Variants in RALYL observed in about 807,000 individuals in gnomAD.
The protein encoded by RALYL is RALY RNA binding protein like.
Under a neutral mutation model 35.1 loss-of-function variants are expected in RALYL, and 29 were observed. That is an observed-to-expected ratio of 0.83 (90% CI 0.61 to 1.13). The LOEUF (loss-of-function observed/expected upper bound fraction) is 1.13. RALYL is among the 50% of genes most tolerant of loss of function. The pLI is 0.00. For synonymous variants in RALYL, 120 were observed against 127.6 expected (o/e 0.94, Z 0.40); for missense variants, 359 against 360.4 (o/e 1.00, Z 0.03).
At chr8:84,375,393 C>T (rs1173172093) in intron 1 of RALYL, among the ~76,000 whole-genome samples, 1 of 151,710 alleles carries the variant, frequency 6.6e-6, no homozygotes, top group African/African-American at 2.4e-5. Flanking sequence ...TTAGAGTTAT[C>T]ACTTACCATA....
intron 1 of RALYL, among the ~76,000 whole-genome samples, chr8:84,475,674 G>A (rs970023934): frequency 1.3e-5 from 2 of 151,966 alleles, no homozygotes; most frequent in African/African-American, 2.4e-5. Context: ...TAGTGTTTAC[G>A]AAGAAAGTGT....
intron 1 of RALYL, among the ~76,000 whole-genome samples, chr8:84,379,948 T>TA (rs1466519780): frequency 1.3e-5 from 2 of 151,782 alleles, no homozygotes; most frequent in Non-Finnish European, 2.9e-5. Flanking sequence ...TCATAATAGT[T>TA]AGACTATTAT....
At chr8:84,865,341 GGTTTGGCAA>G (rs955125227) in intron 6 of RALYL, among the ~76,000 whole-genome samples, 1 of 152,056 alleles carries the variant, frequency 6.6e-6, no homozygotes, top group Admixed American at 6.6e-5. Context: ...AGCATTTAAT[GGTTTGGCAA>G]GTTCAGAAGA....
intron 4 of RALYL, among the ~76,000 whole-genome samples, chr8:84,847,725 G>A (rs764525825): frequency 6.6e-6 from 1 of 152,160 alleles, no homozygotes; most frequent in African/African-American, 2.4e-5. Context: ...TTTAGGCAGT[G>A]GTCTCATTGT....
intron 1 of RALYL, among the ~76,000 whole-genome samples, chr8:84,400,582 A>G (rs977354582): frequency 4.6e-5 from 7 of 152,190 alleles, no homozygotes; most frequent in African/African-American, 1.7e-4. Flanking sequence ...GTGGCTAAGG[A>G]AGGGAACTGG....
intron 1 of RALYL, among the ~76,000 whole-genome samples, chr8:84,450,742 A>G (rs978522187): frequency 1.3e-5 from 2 of 151,980 alleles, no homozygotes; most frequent in African/African-American, 4.8e-5. Flanking sequence ...AACTCCAGAA[A>G]AATAACATCT....
chr8:84,794,799 C>A (rs998225248), intron 3 of RALYL, among the ~76,000 whole-genome samples: 2 of 152,144 alleles, frequency 1.3e-5, no homozygotes, highest in African/African-American at 4.8e-5. Context: ...CCAGGAGGTT[C>A]TTTATCCTTC....
chr8:84,915,045 G>A (rs146923780), intron 8 of RALYL, among the ~76,000 whole-genome samples: 83 of 152,078 alleles, frequency 5.5e-4, no homozygotes, highest in African/African-American at 1.8e-3. Flanking sequence ...ATCAATCTGA[G>A]GATGATTCTT....
chr8:84,384,510 T>A (rs538829922), intron 1 of RALYL, among the ~76,000 whole-genome samples: 16 of 151,920 alleles, frequency 1.1e-4, no homozygotes, highest in African/African-American at 3.6e-4. Flanking sequence ...GAACTCTGGA[T>A]AAAGAATAAT....
chr8:84,765,265 A>T (rs1406038534), intron 2 of RALYL, among the ~76,000 whole-genome samples: 3 of 152,190 alleles, frequency 2.0e-5, no homozygotes, highest in Non-Finnish European at 2.9e-5. Context: ...TTTGAGTGGC[A>T]TAGAAGGTGT....
At chr8:84,581,352 A>C (rs1376350871) in intron 2 of RALYL, among the ~76,000 whole-genome samples, 1 of 152,154 alleles carries the variant, frequency 6.6e-6, no homozygotes, top group Non-Finnish European at 1.5e-5. Flanking sequence ...TCTCATATCC[A>C]CGGTTATGAA....
chr8:84,866,157 C>A (rs1456909730), intron 6 of RALYL, among the ~76,000 whole-genome samples: 6 of 152,042 alleles, frequency 3.9e-5, no homozygotes. Flanking sequence ...GGATTTTGAA[C>A]TGAGTTTAGA....
chr8:84,599,671 A>C (rs1228356221), intron 2 of RALYL, among the ~76,000 whole-genome samples: 1 of 152,018 alleles, frequency 6.6e-6, no homozygotes, highest in Non-Finnish European at 1.5e-5. Flanking sequence ...AAAATATTTA[A>C]TTCTTTAAGT....
chr8:84,676,990 C>T (rs189923426), intron 2 of RALYL, among the ~76,000 whole-genome samples: 261 of 152,046 alleles, frequency 1.7e-3, no homozygotes, highest in African/African-American at 5.9e-3. Flanking sequence ...TTAGTATGGA[C>T]GGGGTTTCAC....
chr8:84,896,540 G>A (rs574953779), intron 8 of RALYL, among the ~76,000 whole-genome samples: 61 of 152,130 alleles, frequency 4.0e-4, no homozygotes, highest in African/African-American at 1.2e-3. Flanking sequence ...AAGTCCTTAC[G>A]TTGATCTACA....
intron 2 of RALYL, among the ~76,000 whole-genome samples, chr8:84,751,226 T>A (rs1324255335): frequency 1.3e-5 from 2 of 152,054 alleles, no homozygotes; most frequent in African/African-American, 2.4e-5. Context: ...GCTTTTTTTT[T>A]AGACTGAGTC....
chr8:84,608,020 CT>C, intron 2 of RALYL, among the ~76,000 whole-genome samples: 1 of 151,660 alleles, frequency 6.6e-6, no homozygotes, highest in Non-Finnish European at 1.5e-5. Context: ...TTTCTAAGCT[CT>C]TATTCTCAAT....
At chr8:84,656,425 G>A (rs729076) in intron 2 of RALYL, among the ~76,000 whole-genome samples, 2 of 152,088 alleles carry the variant, frequency 1.3e-5, no homozygotes, top group East Asian at 1.9e-4. Flanking sequence ...TGGAAATATA[G>A]AGAGAAATAA....
chr8:84,801,326 G>A (rs998346397), intron 3 of RALYL, among the ~76,000 whole-genome samples: 1 of 152,096 alleles, frequency 6.6e-6, no homozygotes, highest in Admixed American at 6.5e-5. Context: ...TTTCAGCTCA[G>A]TTCATGAACC....
Sources: allele counts gnomAD v4.1 joint callset (sites outside exome capture counted in the v4.1 genomes callset), GRCh38; gene constraint gnomAD v4.1.1; transcripts MANE v1.5; gene names NCBI Gene and HGNC (gene_info 2026-07-23, HGNC 2026-07-21).